Variants in SERPINI1 observed in about 807,000 individuals in gnomAD.
SERPINI1 encodes the protein serpin family I member 1.
A neutral mutation model predicts 41.1 loss-of-function variants in SERPINI1; 19 were observed. The observed-to-expected ratio is 0.46, with a 90% CI of 0.32 to 0.68. SERPINI1 has a LOEUF of 0.68. SERPINI1 is among the 30% of genes least tolerant of loss of function. The pLI, the probability that SERPINI1 is intolerant of heterozygous loss-of-function variation, is 0.03. For synonymous variants in SERPINI1, 138 were observed against 156.6 expected (o/e 0.88, Z 0.89); for missense variants, 460 against 479.2 (o/e 0.96, Z 0.37).
chr3:167,817,557 A>T (rs989304551), intron 6 of SERPINI1, among the ~76,000 whole-genome samples: 4 of 151,288 alleles, frequency 2.6e-5, no homozygotes, highest in African/African-American at 7.3e-5. Context: ...CAAATATTCT[A>T]TTTTTTTCCT....
chr3:167,775,347 C>T (rs768775401), intron 1 of SERPINI1, among the ~76,000 whole-genome samples: 10 of 151,114 alleles, frequency 6.6e-5, no homozygotes, highest in Admixed American at 3.3e-4. Flanking sequence ...CTGCAACCTC[C>T]GCCTCCTGGG....
At chr3:167,748,752 C>CTGTGTGTGTGTGTGTG (rs34438429) in intron 1 of SERPINI1, among the ~76,000 whole-genome samples, 2 of 143,548 alleles carry the variant, frequency 1.4e-5, no homozygotes. Flanking sequence ...GTGTGTTACT[C>CTGTGTGTGTGTGTGTG]TGTGTGTGTG....
At position 167,770,586 on chromosome 3, in the gene SERPINI1, TA is replaced by T. The variant is rs1726716945; in HGVS notation, c.-18-18524del. ...TCTAATTTTTTTAAAGCTCTATTTT[TA>T]TTGAAATTTTATTAAATGTTTAGTA... On this transcript the variant is annotated intron_variant, in intron 1 of 8. Transcript: ENST00000446050. 3.3e-5 allele frequency among the ~76,000 whole-genome samples: 5 copies of T among 152,300 alleles called. No homozygotes were observed. The South Asian group carries it at 1.0e-3, about 32-fold the overall frequency.
intron 6 of SERPINI1, among the ~76,000 whole-genome samples, chr3:167,820,644 G>A (rs146095487): frequency 3.9e-4 from 59 of 152,326 alleles, no homozygotes; most frequent in African/African-American, 1.3e-3. Context: ...AGGCCAAGAG[G>A]GGGCTAAAGG....
intron 1 of SERPINI1, among the ~76,000 whole-genome samples, chr3:167,786,234 G>A (rs1218460397): frequency 6.6e-6 from 1 of 152,198 alleles, no homozygotes; most frequent in African/African-American, 2.4e-5. Flanking sequence ...CGGGTGTGGT[G>A]GCTCACGCCT....
In SERPINI1 at chr3:167,779,947, G is replaced by C. The variant is rs547431761; in HGVS notation, c.-18-9164G>C. ...TAAATCATTTATATCATAATTTCAT[G>C]GATAGTATTATAGAATTAAACCTCT... On this transcript the variant is annotated intron_variant, in intron 1 of 8. Coordinates refer to ENST00000446050, the MANE Select transcript of SERPINI1 (RefSeq NM_001122752.2). 2.0e-5 allele frequency among the ~76,000 whole-genome samples: 3 copies of C among 152,226 alleles called. No individual in the cohort carries two copies. The South Asian group carries it at 6.2e-4, about 32-fold the overall frequency.
intron 1 of SERPINI1, among the ~76,000 whole-genome samples, chr3:167,745,839 G>A (rs1247531905): frequency 6.6e-6 from 1 of 151,976 alleles, no homozygotes; most frequent in African/African-American, 2.4e-5. Context: ...ACCAAGGAAT[G>A]AATTTAACAA....
At position 167,760,780 on chromosome 3, in the gene SERPINI1, G is replaced by A. The variant is rs549746694; in HGVS notation, c.-19+24957G>A. Among the ~76,000 whole-genome samples, 3 of 152,268 alleles carry A rather than the reference G, an allele frequency of 2.0e-5. No homozygotes were observed. In the East Asian group the frequency reaches 5.8e-4, roughly 29 times the overall value. On this transcript the variant is annotated intron_variant, in intron 1 of 8. Transcript: ENST00000446050. ...TCAGATTAGCCTACAAAGAGGATAA[G>A]TTCAACAAGGGAGATGTAAGGCATT...
chr3:167,747,312 A>C (rs1559993831), intron 1 of SERPINI1, among the ~76,000 whole-genome samples: 1 of 152,138 alleles, frequency 6.6e-6, no homozygotes, highest in Non-Finnish European at 1.5e-5. Flanking sequence ...CTAAAATTAG[A>C]TCTTGGTGAT....
intron 1 of SERPINI1, among the ~76,000 whole-genome samples, chr3:167,788,644 T>TC (rs1727392710): frequency 6.6e-6 from 1 of 152,192 alleles, no homozygotes; most frequent in African/African-American, 2.4e-5. Flanking sequence ...ATATGTCTGA[T>TC]CTCCGCTCAC....
chr3:167,761,327 C>G (rs1265296485), intron 1 of SERPINI1, among the ~76,000 whole-genome samples: 6 of 152,130 alleles, frequency 3.9e-5, no homozygotes, highest in Non-Finnish European at 2.9e-5. Flanking sequence ...ATGGCTGATG[C>G]CTTTGCCCAG....
rs577929596 is a variant in SERPINI1 at position 167,747,600 on chromosome 3, T to C, written c.-19+11777T>C. Among the ~76,000 whole-genome samples, 434 of 152,180 alleles carry C rather than the reference T, an allele frequency of 2.9e-3. 1 individual carries two copies. Among genetic ancestry groups the C allele is most frequent in the African/African-American group, 1.0e-2 (415 of 41,520 alleles). ...CGGAACTTGCAGTGAGCCGAGATCT[T>C]GCCACTGCACTCCAGCCTGGGCGAC... On this transcript the variant is annotated intron_variant, in intron 1 of 8. Coordinates refer to ENST00000446050, the MANE Select transcript of SERPINI1 (RefSeq NM_001122752.2).
chr3:167,824,300 T>G (rs1170512016), intron 7 of SERPINI1, among the ~76,000 whole-genome samples, 173 bp from the exon 8 acceptor site: 2 of 152,220 alleles, frequency 1.3e-5, no homozygotes, highest in African/African-American at 4.8e-5. Context: ...TTTAAAAAGA[T>G]CAAGTAGAAA....
chr3:167,754,082 G>A (rs928354178), intron 1 of SERPINI1, among the ~76,000 whole-genome samples: 3 of 152,156 alleles, frequency 2.0e-5, no homozygotes, highest in Non-Finnish European at 4.4e-5. Flanking sequence ...CCAGTAACTG[G>A]TTGGAAGAGA....
chr3:167,802,958 T>C (rs1711504380), intron 5 of SERPINI1, among the ~76,000 whole-genome samples: 1 of 151,292 alleles, frequency 6.6e-6, no homozygotes, highest in South Asian at 2.1e-4. Context: ...TAAAAAATGA[T>C]GAGTTCATGT....
intron 1 of SERPINI1, among the ~76,000 whole-genome samples, chr3:167,775,467 G>A (rs907985421): frequency 4.0e-5 from 6 of 151,760 alleles, no homozygotes; most frequent in African/African-American, 1.5e-4. Flanking sequence ...CCTGAAGTGT[G>A]ACTTTAACAC....
chr3:167,749,720 A>G (rs886323001), intron 1 of SERPINI1, among the ~76,000 whole-genome samples: 1 of 152,236 alleles, frequency 6.6e-6, no homozygotes, highest in Non-Finnish European at 1.5e-5. Context: ...CACCTTATTT[A>G]TCCATTAGCC....
At chr3:167,815,202 G>A (rs115169485) in intron 6 of SERPINI1, among the ~76,000 whole-genome samples, 10 of 152,204 alleles carry the variant, frequency 6.6e-5, no homozygotes, top group African/African-American at 2.2e-4. Context: ...GCATGACATC[G>A]CCTGTTTCTC....
chr3:167,754,609 G>T (rs547362979), intron 1 of SERPINI1, among the ~76,000 whole-genome samples: 1 of 152,246 alleles, frequency 6.6e-6, no homozygotes, highest in Admixed American at 6.5e-5. Context: ...CACGTCCTTG[G>T]AACATACTGG....
Sources: gnomAD v4.1 joint callset for allele counts (sites outside exome capture counted in the v4.1 genomes callset) on GRCh38, gnomAD v4.1.1 for gene constraint, MANE v1.5 for transcripts, NCBI Gene and HGNC (gene_info 2026-07-23, HGNC 2026-07-21) for gene names.